Variants in PLB1 observed in about 807,000 individuals in gnomAD.
The protein encoded by PLB1 is phospholipase B1, membrane-associated.
Under a neutral mutation model 227.4 loss-of-function variants are expected in PLB1, and 242 were observed. That is an observed-to-expected ratio of 1.06 (90% CI 0.96 to 1.18). The LOEUF (loss-of-function observed/expected upper bound fraction) is 1.18, where lower values mean the gene tolerates loss of function less well. Ranked by LOEUF, PLB1 falls within the 50% of genes most tolerant of loss-of-function variation. The probability of loss-of-function intolerance (pLI) is 0.00; values close to 1 mark genes in which losing one functional copy is unlikely to be tolerated. For synonymous variants in PLB1, 757 were observed against 682.2 expected (o/e 1.11, Z -1.71); for missense variants, 1,858 against 1,816.3 (o/e 1.02, Z -0.42).
intron 21 of PLB1, 81 bp from the exon 22 acceptor site, chr2:28,578,026 A>G: frequency 1.4e-6 from 2 of 1,387,042 alleles, no homozygotes; most frequent in African/African-American, 1.4e-5. Flanking sequence ...CCTCCACCAT[A>G]CATTTGATTG....
chr2:28,594,192 C>T, intron 33 of PLB1: 1 of 381,828 alleles, frequency 2.6e-6, no homozygotes, highest in Non-Finnish European at 5.4e-6. Context: ...GCACAGAAAA[C>T]CTCTGAAACC....
chr2:28,544,585 T>TTCAGGCTTCA (rs1220000423), intron 14 of PLB1, among the ~76,000 whole-genome samples: 2 of 152,158 alleles, frequency 1.3e-5, no homozygotes, highest in Middle Eastern at 3.4e-3. Context: ...CAGGTGTAGC[T>TTCAGGCTTCA]GGGAAGGGCC....
At chr2:28,550,352 T>C (rs901575931) in intron 16 of PLB1, among the ~76,000 whole-genome samples, 18 of 151,554 alleles carry the variant, frequency 1.2e-4, no homozygotes, top group African/African-American at 3.9e-4. Flanking sequence ...TTTGTATTTT[T>C]TTTAGTGGAG....
intron 56 of PLB1, among the ~76,000 whole-genome samples, chr2:28,639,068 A>AG (rs1491066299): frequency 1.1e-4 from 7 of 61,448 alleles, no homozygotes; most frequent in Non-Finnish European, 2.0e-4. Flanking sequence ...ATTCCATCTA[A>AG]AAAAAAAAAA....
chr2:28,641,844 C>T (rs770739657), intron 57 of PLB1, among the ~76,000 whole-genome samples: 2 of 152,126 alleles, frequency 1.3e-5, no homozygotes, highest in African/African-American at 2.4e-5. Context: ...GATAGACCTT[C>T]CTGGAAATAA....
rs142010469 is a variant in PLB1 at position 28,506,614 on chromosome 2, G to A, written c.56-10194G>A. Among the ~76,000 whole-genome samples the A allele has an allele frequency of 2.6e-4, 39 of 152,238 alleles. No individual in the cohort carries two copies. The East Asian group carries it at 6.2e-3, about 24-fold the overall frequency. ...CAAAAACTAAACTGGTGGAGTGACC[G>A]GCCTAAGGTCATGCAGCAAGCGTGG... On this transcript the variant is annotated intron_variant, in intron 1 of 57. Transcript: ENST00000327757.
chr2:28,543,293 G>A (rs1672763462), intron 14 of PLB1, 25 bp downstream of exon 14: 1 of 1,605,264 alleles, frequency 6.2e-7, no homozygotes, highest in Non-Finnish European at 8.5e-7. Flanking sequence ...CCTGGGGTGG[G>A]GCCCACAGAG....
chr2:28,613,885 G>A lies in PLB1; in HGVS notation c.3130-146G>A, dbSNP rs1685822627. On this transcript the variant is annotated intron_variant, in intron 43 of 57. Coordinates refer to ENST00000327757, the MANE Select transcript of PLB1 (RefSeq NM_153021.5). ...TGTAAAACCCTCCGGGGGAATGAAT[G>A]AAATTATGTTTATACAGTTCTTTCT... 1.4e-5 allele frequency: 10 copies of A among 710,406 alleles called. No individual in the cohort carries two copies. In the South Asian group the frequency reaches 1.7e-4, roughly 12 times the overall value. 44.0% of individuals were successfully genotyped at this position (710,406 alleles called of 1,614,324 possible).
chr2:28,538,475 G>A (rs896865648), intron 10 of PLB1, 94 bp downstream of exon 10: 2 of 1,161,162 alleles, frequency 1.7e-6, no homozygotes, highest in African/African-American at 1.5e-5. Flanking sequence ...CCCCTGTGAG[G>A]GAGACTGGGA....
rs1295047021 is a variant in PLB1, at chr2:28,589,975, C to T, written c.2017-30C>T. ...CTTTCCATTCTGGCCGCCTCTTCCT[C>T]ACTCCCCATCTCCCTGCTTCTTTGT... On this transcript the variant is annotated intron_variant, in intron 28 of 57. Coordinates refer to ENST00000327757, the MANE Select transcript of PLB1 (RefSeq NM_153021.5). 6 of 1,598,066 alleles carry T rather than the reference C, an allele frequency of 3.8e-6. No individual in the cohort carries two copies. In the African/African-American group the frequency reaches 4.0e-5, roughly 11 times the overall value.
At position 28,621,608 on chromosome 2, in the gene PLB1, C is replaced by T. The variant is rs901693836; in HGVS notation, c.3527+630C>T. ...AGGCTCATTGATTTTCTGCATGGAG[C>T]GTGCTGGGTGTATGCCTTGTAGAAG... On this transcript the variant is annotated intron_variant, in intron 49 of 57. Transcript: ENST00000327757. 9.9e-5 allele frequency among the ~76,000 whole-genome samples: 15 copies of T among 152,130 alleles called. 1 individual carries two copies. Among genetic ancestry groups the T allele is most frequent in the Admixed American group, 9.2e-4 (14 of 15,270 alleles).
chr2:28,532,759 C>T lies in PLB1; in HGVS notation c.555+565C>T, dbSNP rs148507830. Among the ~76,000 whole-genome samples, 465 of 152,298 alleles carry T rather than the reference C, an allele frequency of 3.1e-3. 3 individuals carry two copies. Among genetic ancestry groups the T allele is most frequent in the African/African-American group, 0.011 (447 of 41,558 alleles). The stretch of plus-strand genomic sequence containing the variant: ...TGCATACCATCCTCACCCCTTGGCC[C>T]ATGAATTCTATTTGTGGTGGGAAAG... On this transcript the variant is annotated intron_variant, in intron 9 of 57. Coordinates refer to ENST00000327757, the MANE Select transcript of PLB1 (RefSeq NM_153021.5).
chr2:28,546,343 C>T (rs1235902954), intron 14 of PLB1, among the ~76,000 whole-genome samples: 4 of 152,174 alleles, frequency 2.6e-5, no homozygotes, highest in Non-Finnish European at 5.9e-5. Context: ...GAGTCTACAC[C>T]AGGTGCCGAA....
In PLB1 at chr2:28,602,849, A is replaced by G; in HGVS notation, c.2702A>G (p.Asp901Gly). ...EVPRVLVNLVDFLNPTIMRQV... is the reference protein window; with the variant it reads ...EVPRVLVNLVGFLNPTIMRQV... The stretch of plus-strand genomic sequence containing the variant: ...CCCAGAGTCCTGGTCAACCTCGTGG[A>G]CTTCCTGAACCCCACTATCATGCGG... The change falls in exon 39 of 58, where the codon GAC becomes GGC. Residue 901 changes from aspartate to glycine, a missense_variant. Transcript: ENST00000327757. 6.2e-7 allele frequency: 1 copy of G among 1,614,118 alleles called. No homozygotes were observed. The highest frequency in any genetic ancestry group is 1.1e-5 in the South Asian group (1 of 91,084).
chr2:28,563,982 A>G (rs1458032253), intron 18 of PLB1, among the ~76,000 whole-genome samples: 3 of 152,252 alleles, frequency 2.0e-5, no homozygotes, highest in South Asian at 4.2e-4. Flanking sequence ...GCTCACATCT[A>G]TAATCTCAGC....
rs1165372728 is a variant in PLB1, at chr2:28,606,477, T to C, written c.3058-19T>C. ...AAACAAACTACTACACCCGTGTCTC[T>C]CTTTTCTTCCCTGATCAGCTTGAAC... On this transcript the variant is annotated intron_variant, in intron 42 of 57. Transcript: ENST00000327757. 8.1e-6 allele frequency: 13 copies of C among 1,611,594 alleles called. 1 individual carries two copies. In the Admixed American group the frequency reaches 1.7e-4, roughly 21 times the overall value.
chr2:28,551,275 T>A (rs1452877775), intron 16 of PLB1, among the ~76,000 whole-genome samples: 1 of 152,246 alleles, frequency 6.6e-6, no homozygotes, highest in Non-Finnish European at 1.5e-5. Context: ...CGGGCGCTCA[T>A]GCCTTGCTCA....
In PLB1 at chr2:28,562,421, A is replaced by G. The variant is rs1024741010; in HGVS notation, c.1148-620A>G. Among the ~76,000 whole-genome samples, 4 of 151,464 alleles carry G rather than the reference A, an allele frequency of 2.6e-5. No homozygotes were observed. The East Asian group carries it at 7.8e-4, about 30-fold the overall frequency. On this transcript the variant is annotated intron_variant, in intron 17 of 57. Coordinates refer to ENST00000327757, the MANE Select transcript of PLB1 (RefSeq NM_153021.5). ...GCCAGGTGTGGTGATGTGCACCTGT[A>G]TTCCCAGCTACTCAGGAGGCTGAGG...
At chr2:28,621,888 T>G (rs1687104019) in intron 49 of PLB1, among the ~76,000 whole-genome samples, 1 of 151,982 alleles carries the variant, frequency 6.6e-6, no homozygotes, top group African/African-American at 2.4e-5. Flanking sequence ...TTGTTGTTCT[T>G]GTACAGTACA....
Sources: gnomAD v4.1 joint callset for allele counts (sites outside exome capture counted in the v4.1 genomes callset) on GRCh38, gnomAD v4.1.1 for gene constraint, MANE v1.5 for transcripts, NCBI Gene and HGNC (gene_info 2026-07-23, HGNC 2026-07-21) for gene names.